Variants in KIF13A observed in about 807,000 individuals in gnomAD.
KIF13A encodes kinesin family member 13A.
A neutral mutation model predicts 212.2 loss-of-function variants in KIF13A; 79 were observed. The observed-to-expected ratio is 0.37, with a 90% CI of 0.31 to 0.45. The LOEUF is 0.45. Among genes scored for constraint, KIF13A ranks in the 20% least tolerant of loss-of-function variants. The pLI, the probability that KIF13A is intolerant of heterozygous loss-of-function variation, is 1.00. For missense variants in KIF13A, 1,901 were observed against 2,209.0 expected (o/e 0.86, Z 2.79); for synonymous variants, 789 against 808.6 (o/e 0.98, Z 0.41).
Position 17,987,350 on chromosome 6 carries a change from C to G in KIF13A, c.55+59G>C. On this transcript the variant is annotated intron_variant, in intron 1 of 38. Transcript: ENST00000259711. This position sits in a 1 kb window ranked among gnomAD's most constrained non-coding sequence, Gnocchi z 7.7. ...TCTCGCCGTCCCGGCCCCGCAGTTT[C>G]TAAAGTTGCCCCCGCCCTCAGCCCG... is the stretch of plus-strand genomic sequence containing the variant. The G allele has an allele frequency of 8.2e-7, 1 of 1,212,754 alleles. No individual in the cohort carries two copies. Among genetic ancestry groups the G allele is most frequent in the Non-Finnish European group, 1.1e-6 (1 of 928,698 alleles). The allele number at this position is 1,212,754 out of a possible 1,614,324, so 75.1% of individuals were successfully genotyped here.
At position 17,771,925 on chromosome 6, in the gene KIF13A, G is replaced by A. The variant is rs1377517558; in HGVS notation, c.4459C>T (p.Pro1487Ser). The change falls in exon 37 of 39, where the codon CCT (proline) becomes TCT (serine). Residue 1487 changes from proline to serine, a missense_variant. Transcript: ENST00000259711. The surrounding 1 kb of genome is among the most constrained non-coding windows in gnomAD (Gnocchi z 5.4). ...HKKRIALEAR[P>S]LLSQESMPPP... ...GCATTTACCTCCTGGCTTAGAAGAG[G>A]CCTTGCTTCCAGGGCTATCCTTTTC... 1.2e-6 allele frequency: 2 copies of A among 1,613,844 alleles called. No homozygotes were observed. The highest frequency in any genetic ancestry group is 1.7e-6 in the Non-Finnish European group (2 of 1,179,868).
chr6:17,956,979 C>G (rs1778402473), intron 2 of KIF13A, among the ~76,000 whole-genome samples: 1 of 152,128 alleles, frequency 6.6e-6, no homozygotes, highest in Non-Finnish European at 1.5e-5. Flanking sequence ...TTCCCAGGTT[C>G]AAGTGATTCT....
At chr6:17,924,368 T>A (rs1307950607) in intron 2 of KIF13A, among the ~76,000 whole-genome samples, 2 of 152,182 alleles carry the variant, frequency 1.3e-5, no homozygotes, top group African/African-American at 4.8e-5. Context: ...ATAAGTTAAA[T>A]TGCTATGGGC....
At chr6:17,977,677 A>G (rs1780694918) in intron 2 of KIF13A, among the ~76,000 whole-genome samples, 1 of 152,246 alleles carries the variant, frequency 6.6e-6, no homozygotes, top group Non-Finnish European at 1.5e-5. Flanking sequence ...AAAAATAAGA[A>G]TAACTGATTT....
chr6:17,889,788 T>G (rs78936916), intron 3 of KIF13A, among the ~76,000 whole-genome samples: 6,531 of 152,194 alleles, frequency 0.043, 336 homozygotes, highest in African/African-American at 0.12. Context: ...GCTCTCCCCC[T>G]GGACGGTTTA....
Position 17,817,229 on chromosome 6 carries a change from T to G in KIF13A, c.1791A>C (p.Pro597=), listed in dbSNP as rs1194810642. ...VIMKTLNSND[P]VQNVVQVLEK... is the part of the protein sequence containing the mutation. ...CCAGGACCTGAACCACATTTTGAACTGGGTCTAGTGAGCCAAGAGACAAGG... is the reference window on the plus strand; with the variant it reads ...CCAGGACCTGAACCACATTTTGAACGGGGTCTAGTGAGCCAAGAGACAAGG... The change falls in exon 17 of 39, where the codon CCA becomes CCC. Residue 597 remains proline, a synonymous_variant. Coordinates refer to ENST00000259711, the MANE Select transcript of KIF13A (RefSeq NM_022113.6). 13 of 1,613,814 alleles carry G rather than the reference T, an allele frequency of 8.1e-6. No homozygotes were observed. In the Admixed American group the frequency reaches 2.2e-4, roughly 27 times the overall value.
At chr6:17,973,358 G>A (rs1286345352) in intron 2 of KIF13A, among the ~76,000 whole-genome samples, 1 of 152,152 alleles carries the variant, frequency 6.6e-6, no homozygotes, top group East Asian at 1.9e-4. Context: ...TGTCTGTAAG[G>A]AATCCAGGAT....
chr6:17,891,782 C>G (rs985279703), intron 3 of KIF13A, among the ~76,000 whole-genome samples: 2 of 152,040 alleles, frequency 1.3e-5, no homozygotes, highest in African/African-American at 4.8e-5. Flanking sequence ...GAAAGACACC[C>G]AATTTGGGGA....
intron 31 of KIF13A, among the ~76,000 whole-genome samples, chr6:17,780,286 G>A (rs1022719650): frequency 1.3e-5 from 2 of 152,194 alleles, no homozygotes; most frequent in East Asian, 3.9e-4. Context: ...GGCTTAATCA[G>A]TCTTTCCTGA....
chr6:17,921,212 A>G (rs1316250486), intron 2 of KIF13A, among the ~76,000 whole-genome samples: 5 of 152,200 alleles, frequency 3.3e-5, no homozygotes, highest in Non-Finnish European at 7.3e-5. Flanking sequence ...AAATTCCCAA[A>G]GCATGGTAGC....
At chr6:17,935,901 T>C (rs954415242) in intron 2 of KIF13A, among the ~76,000 whole-genome samples, 3 of 152,200 alleles carry the variant, frequency 2.0e-5, no homozygotes, top group Non-Finnish European at 4.4e-5. Flanking sequence ...GAAGAGATCT[T>C]AAAGCCATAT....
intron 2 of KIF13A, among the ~76,000 whole-genome samples, chr6:17,924,435 T>A (rs1483318779): frequency 6.6e-6 from 1 of 152,208 alleles, no homozygotes; most frequent in East Asian, 1.9e-4. Context: ...GTGTTTGATG[T>A]CCCTTTTTTT....
chr6:17,877,959 T>C lies in KIF13A; in HGVS notation c.160-4522A>G, dbSNP rs146154006. 7.5e-4 allele frequency among the ~76,000 whole-genome samples: 114 copies of C among 152,344 alleles called. 1 individual carries two copies. The highest frequency in any genetic ancestry group is 2.3e-3 in the African/African-American group (96 of 41,582). ...TCACTTATCCATTCACAAATATTTA[T>C]TGAGTACCTATTGTGTGCTAAGCGC... On this transcript the variant is annotated intron_variant, in intron 3 of 38. Coordinates refer to ENST00000259711, the MANE Select transcript of KIF13A (RefSeq NM_022113.6).
intron 31 of KIF13A, among the ~76,000 whole-genome samples, chr6:17,780,410 T>C (rs1760457313): frequency 6.6e-6 from 1 of 152,220 alleles, no homozygotes; most frequent in African/African-American, 2.4e-5. Flanking sequence ...GTCCTGGTTT[T>C]GTCACTCACT....
In KIF13A at chr6:17,918,869, C is replaced by T. The variant is rs541719827; in HGVS notation, c.147-20689G>A. ...TTGTTTCCTTCTCAGCACCTTTCGC[C>T]ATGTTAAACCATTTCATTATTTATT... is the stretch of plus-strand genomic sequence containing the variant. On this transcript the variant is annotated intron_variant, in intron 2 of 38. Coordinates refer to ENST00000259711, the MANE Select transcript of KIF13A (RefSeq NM_022113.6). This position sits in a 1 kb window ranked among gnomAD's most constrained non-coding sequence, Gnocchi z 4.8. 6.6e-6 allele frequency among the ~76,000 whole-genome samples: 1 copy of T among 152,272 alleles called. No individual in the cohort carries two copies. The highest frequency in any genetic ancestry group is 2.4e-5 in the African/African-American group (1 of 41,552).
At chr6:17,905,031 GTGGCC>G (rs1341946751) in intron 2 of KIF13A, among the ~76,000 whole-genome samples, 1 of 152,174 alleles carries the variant, frequency 6.6e-6, no homozygotes, top group Non-Finnish European at 1.5e-5. Context: ...TGCCCAACCC[GTGGCC>G]TACGGGCCTC....
chr6:17,791,476 A>G (rs1761549839), intron 25 of KIF13A, among the ~76,000 whole-genome samples: 1 of 152,158 alleles, frequency 6.6e-6, no homozygotes, highest in Admixed American at 6.5e-5. Flanking sequence ...AAAGCCTTTA[A>G]AATAGTTACA....
intron 13 of KIF13A, 52 bp downstream of exon 13, chr6:17,831,049 G>A (rs1276481471): frequency 1.2e-5 from 18 of 1,528,910 alleles, no homozygotes; most frequent in Admixed American, 9.7e-5. Flanking sequence ...ATTCAACTAC[G>A]AACTGTATAG....
intron 2 of KIF13A, among the ~76,000 whole-genome samples, chr6:17,949,824 T>C (rs1405716994): frequency 1.3e-5 from 2 of 152,088 alleles, no homozygotes; most frequent in Non-Finnish European, 2.9e-5. Context: ...GCCTAAAGAA[T>C]GACAAACTAA....
Sources: allele counts gnomAD v4.1 joint callset (sites outside exome capture counted in the v4.1 genomes callset), GRCh38; gene constraint gnomAD v4.1.1; non-coding constraint Gnocchi (gnomAD v3.1); transcripts MANE v1.5; gene names NCBI Gene and HGNC (gene_info 2026-07-23, HGNC 2026-07-21).